Variants in FBN2 observed in about 807,000 individuals in gnomAD.
FBN2 encodes the protein fibrillin-2.
In FBN2, 105 loss-of-function variants were observed where a neutral mutation model predicts 355.6. The ratio of observed to expected loss-of-function variants is 0.30; its 90% CI spans 0.25 to 0.35. FBN2 has a LOEUF of 0.35. Among genes scored for constraint, FBN2 ranks in the 10% least tolerant of loss-of-function variants. The probability of loss-of-function intolerance (pLI) is 1.00; values close to 1 mark genes in which losing one functional copy is unlikely to be tolerated. For synonymous variants in FBN2, 1,350 were observed against 1,301.2 expected (o/e 1.04, Z -0.81); for missense variants, 3,280 against 3,758.7 (o/e 0.87, Z 3.33).
chr5:128,352,872 A>G (rs1561785297), intron 20 of FBN2, among the ~76,000 whole-genome samples: 1 of 152,180 alleles, frequency 6.6e-6, no homozygotes. Context: ...AATAATATGT[A>G]CAGATAAAAT....
chr5:128,388,104 T>C (rs1360355014), intron 11 of FBN2, among the ~76,000 whole-genome samples: 3 of 152,024 alleles, frequency 2.0e-5, no homozygotes, highest in African/African-American at 7.2e-5. Context: ...ATGGCCTTCT[T>C]TGTCTTTTTT....
At chr5:128,444,633 G>A (rs1754019345) in intron 7 of FBN2, among the ~76,000 whole-genome samples, 2 of 152,214 alleles carry the variant, frequency 1.3e-5, no homozygotes, top group South Asian at 4.1e-4. Context: ...ACTGGATTCA[G>A]GGCTTTGGGT....
At chr5:128,326,590 A>G (rs141069009) in intron 34 of FBN2, among the ~76,000 whole-genome samples, 191 of 152,352 alleles carry the variant, frequency 1.3e-3, no homozygotes, top group Non-Finnish European at 2.2e-3. Flanking sequence ...TGTATTTATA[A>G]TAAGATGGGT....
chr5:128,478,009 G>A (rs938662016), intron 5 of FBN2, among the ~76,000 whole-genome samples: 1 of 152,166 alleles, frequency 6.6e-6, no homozygotes, highest in African/African-American at 2.4e-5. Context: ...TGAGATTGCT[G>A]AATGTTTTCC....
At chr5:128,366,949 A>C (rs137943454) in intron 16 of FBN2, among the ~76,000 whole-genome samples, 2 of 152,304 alleles carry the variant, frequency 1.3e-5, no homozygotes, top group Non-Finnish European at 2.9e-5. Context: ...AGAGGTTGTA[A>C]GTGGAGAAGC....
At chr5:128,455,990 C>CAAAAAAAAAACAAAAAAAAA (rs1754376289) in intron 6 of FBN2, among the ~76,000 whole-genome samples, 1 of 25,272 alleles carries the variant, frequency 4.0e-5, no homozygotes, top group Non-Finnish European at 7.9e-5. Flanking sequence ...GGGTTAGCAA[C>CAAAAAAAAAACAAAAAAAAA]AAAAAAAAAA....
chr5:128,438,210 T>C (rs1753826316), intron 7 of FBN2, among the ~76,000 whole-genome samples: 1 of 152,220 alleles, frequency 6.6e-6, no homozygotes, highest in Admixed American at 6.5e-5. Flanking sequence ...CAGGCTGGTC[T>C]CAAACTTCCG....
chr5:128,464,842 C>T lies in FBN2; in HGVS notation c.708G>A (p.Lys236=). The T allele has an allele frequency of 6.2e-7, 1 of 1,614,232 alleles. No homozygotes were observed. Among genetic ancestry groups the T allele is most frequent in the Non-Finnish European group, 8.5e-7 (1 of 1,180,038 alleles). The stretch of plus-strand genomic sequence containing the variant: ...GTCCAATGGTGGCACAGCACAGAGT[C>T]TTCGTGCAGACAATGCCTGTCAGCT... ...QGQLTGIVCT[K]TLCCATIGRA... is the part of the protein sequence containing the mutation. Residue 236 remains lysine (K), a synonymous_variant, in exon 6 of 65, where the codon AAG becomes AAA. Coordinates refer to ENST00000262464, the MANE Select transcript of FBN2 (RefSeq NM_001999.4).
At chr5:128,446,902 GA>G (rs754558256) in intron 6 of FBN2, among the ~76,000 whole-genome samples, 1 of 152,190 alleles carries the variant, frequency 6.6e-6, no homozygotes, top group African/African-American at 2.4e-5. Flanking sequence ...AGCCATGGCA[GA>G]AGCATGGAAA....
intron 12 of FBN2, 122 bp downstream of exon 12, chr5:128,378,649 T>TA (rs1482526539): frequency 9.3e-7 from 1 of 1,076,070 alleles, no homozygotes; most frequent in Non-Finnish European, 1.4e-6. Flanking sequence ...GTATTACAAA[T>TA]AAATCTGTAA....
At chr5:128,290,654 T>G in intron 50 of FBN2, 78 bp downstream of exon 50, 1 of 1,393,814 alleles carries the variant, frequency 7.2e-7, no homozygotes, top group Non-Finnish European at 1.0e-6. Flanking sequence ...TATTCTTAAA[T>G]TACATGGTTA....
At chr5:128,301,589 T>C (rs1749721902) in intron 46 of FBN2, 79 bp from the exon 47 acceptor site, 2 of 1,364,860 alleles carry the variant, frequency 1.5e-6, no homozygotes, top group South Asian at 2.3e-5. Context: ...CTTAAAAACA[T>C]ACTTATTGGC....
Position 128,259,358 on chromosome 5 carries a change from T to C in FBN2, c.*97A>G, listed in dbSNP as rs978861406. 35 of 1,388,026 alleles carry C rather than the reference T, an allele frequency of 2.5e-5. No homozygotes were observed. Among genetic ancestry groups the C allele is most frequent in the Non-Finnish European group, 3.6e-5 (35 of 977,044 alleles). 86.0% of individuals were successfully genotyped at this position (1,388,026 alleles called of 1,614,324 possible). On this transcript the variant is annotated 3_prime_UTR_variant, in exon 65 of 65. Transcript: ENST00000262464. ...CAGGGAGGAAAGAAACAAGAGTTAT[T>C]ATTATTTTTCCTCTTTAAAATTAGT...
In FBN2 at chr5:128,378,853, T is replaced by G. The variant is rs1311388472; in HGVS notation, c.1641A>C (p.Gly547=). 1.2e-6 allele frequency: 2 copies of G among 1,612,966 alleles called. No homozygotes were observed. The highest frequency in any genetic ancestry group is 1.6e-4 in the Middle Eastern group (1 of 6,072). The change falls in exon 12 of 65, where the codon GGA becomes GGC. Residue 547 remains glycine (G), a synonymous_variant. Coordinates refer to ENST00000262464, the MANE Select transcript of FBN2 (RefSeq NM_001999.4). The stretch of plus-strand genomic sequence containing the variant: ...AGGAACCAGGTGTGTTAACACAATC[T>G]CCATTAGTGCAGGGATTTGATGTGC... ...DECTSNPCTN[G]DCVNTPGSYY... is the part of the protein sequence containing the mutation.
chr5:128,321,569 T>C (rs1328815525), intron 34 of FBN2, among the ~76,000 whole-genome samples: 2 of 152,224 alleles, frequency 1.3e-5, no homozygotes, highest in Non-Finnish European at 2.9e-5. Context: ...TGTCTTAGTT[T>C]GCTGAGAATG....
intron 64 of FBN2, among the ~76,000 whole-genome samples, chr5:128,260,978 T>C (rs544239296): frequency 3.5e-4 from 53 of 152,318 alleles, no homozygotes; most frequent in Admixed American, 2.5e-3. Context: ...ACTGAACACA[T>C]GTGATATATA....
chr5:128,372,476 T>A (rs996379505), intron 15 of FBN2, among the ~76,000 whole-genome samples: 8 of 152,106 alleles, frequency 5.3e-5, no homozygotes, highest in Non-Finnish European at 1.2e-4. Flanking sequence ...TAGTTTTTCA[T>A]AACAGTGATT....
At chr5:128,419,985 G>A (rs1051149264) in intron 7 of FBN2, among the ~76,000 whole-genome samples, 6 of 152,086 alleles carry the variant, frequency 3.9e-5, no homozygotes, top group East Asian at 1.9e-4. Context: ...GTGAGCCACC[G>A]CACCCGGCTG....
intron 6 of FBN2, among the ~76,000 whole-genome samples, chr5:128,456,235 G>A (rs1754391308): frequency 1.3e-5 from 2 of 151,862 alleles, no homozygotes; most frequent in Admixed American, 6.6e-5. Context: ...TCAGTGGGTG[G>A]GGCCTTCCTG....
Sources: gnomAD v4.1 joint callset for allele counts (sites outside exome capture counted in the v4.1 genomes callset) on GRCh38, gnomAD v4.1.1 for gene constraint, MANE v1.5 for transcripts, NCBI Gene and HGNC (gene_info 2026-07-23, HGNC 2026-07-21) for gene names.